The following GPR176 variants were observed in gnomAD, a reference collection of about 807,000 sequenced individuals.
GPR176 encodes the protein G protein-coupled receptor 176.
GPR176 carries 26 observed loss-of-function variants against 35.4 expected under a neutral mutation model. The observed-to-expected ratio is 0.74, with a 90% confidence interval of 0.54 to 1.02. GPR176 has a LOEUF of 1.02. GPR176 is among the 50% of genes least tolerant of loss of function. The pLI is 0.00. For synonymous variants in GPR176, 278 were observed against 271.3 expected (o/e 1.02, Z -0.24); for missense variants, 597 against 665.3 (o/e 0.90, Z 1.13).
At chr15:39,818,372 AT>A (rs774667112) in intron 1 of GPR176, among the ~76,000 whole-genome samples, 120 of 152,396 alleles carry the variant, frequency 7.9e-4, no homozygotes, top group Non-Finnish European at 6.6e-4. Flanking sequence ...TAGTAAGTTC[AT>A]TAAAATTCAT....
intron 1 of GPR176, among the ~76,000 whole-genome samples, chr15:39,814,399 T>C (rs1899763034): frequency 6.6e-6 from 1 of 152,254 alleles, no homozygotes; most frequent in Non-Finnish European, 1.5e-5. Context: ...CCCTCTTTTA[T>C]TTAAAATTTG....
intron 1 of GPR176, among the ~76,000 whole-genome samples, chr15:39,829,873 G>A (rs942409194): frequency 2.0e-5 from 3 of 152,108 alleles, no homozygotes; most frequent in Non-Finnish European, 1.5e-5. Flanking sequence ...ACACAAGGAT[G>A]GGTGATATGT....
At position 39,886,158 on chromosome 15, in the gene GPR176, G is replaced by A. The variant is rs528399024; in HGVS notation, c.172+33697C>T. Among the ~76,000 whole-genome samples, 5 of 152,134 alleles carry A rather than the reference G, an allele frequency of 3.3e-5. No homozygotes were observed. In the East Asian group the frequency reaches 7.7e-4, roughly 24 times the overall value. On this transcript the variant is annotated intron_variant, in intron 1 of 2. Transcript: ENST00000561100. ...TGGGGCAGGAGAATCACTTGAACCC[G>A]GGAGTAGGAGGTTGCGGTGAGCCCA...
intron 1 of GPR176, among the ~76,000 whole-genome samples, chr15:39,895,278 G>T (rs1199443609): frequency 2.6e-5 from 1 of 38,030 alleles, no homozygotes; most frequent in Non-Finnish European, 5.9e-5. Context: ...GAGGGAGACC[G>T]TGGGGAGAGG....
chr15:39,812,700 C>T (rs912554314), intron 1 of GPR176, among the ~76,000 whole-genome samples: 1 of 152,006 alleles, frequency 6.6e-6, no homozygotes, highest in Non-Finnish European at 1.5e-5. Flanking sequence ...ACTAGAGAAC[C>T]CTGACTAATA....
Position 39,807,260 on chromosome 15 carries a change from T to A in GPR176, c.173-2A>T. 1 of 1,486,960 alleles carries A rather than the reference T, an allele frequency of 6.7e-7. No individual in the cohort carries two copies. The highest frequency in any genetic ancestry group is 9.0e-7 in the Non-Finnish European group (1 of 1,114,052). 92.1% of individuals were successfully genotyped at this position (1,486,960 alleles called of 1,614,324 possible). A position where few individuals can be genotyped will look rare whatever the true frequency, so the allele number is the denominator to read the frequency against. ...TTGACCATAACACCATGAAGTTTCC[T>A]GGTCAGATATGAAAGAAAATAAAAT... On this transcript the variant is annotated splice_acceptor_variant, in intron 1 of 2. Transcript: ENST00000561100. LOFTEE classifies it high-confidence loss of function.
intron 1 of GPR176, among the ~76,000 whole-genome samples, chr15:39,892,326 C>A (rs1297166850): frequency 1.3e-5 from 2 of 151,932 alleles, no homozygotes; most frequent in Admixed American, 1.3e-4. Flanking sequence ...CATGGGAAGC[C>A]TACTGTAATT....
At chr15:39,833,692 A>G (rs1292871852) in intron 1 of GPR176, among the ~76,000 whole-genome samples, 2 of 152,194 alleles carry the variant, frequency 1.3e-5, no homozygotes, top group African/African-American at 4.8e-5. Flanking sequence ...ATTCCTAAAA[A>G]ATGAGTCAGT....
At chr15:39,822,088 G>C (rs1900311826) in intron 1 of GPR176, among the ~76,000 whole-genome samples, 1 of 152,282 alleles carries the variant, frequency 6.6e-6, no homozygotes, top group Admixed American at 6.5e-5. Flanking sequence ...AAGGAACTGG[G>C]GCCTCCTGCC....
At chr15:39,846,867 G>A (rs1051550457) in intron 1 of GPR176, among the ~76,000 whole-genome samples, 1 of 151,810 alleles carries the variant, frequency 6.6e-6, no homozygotes, top group Non-Finnish European at 1.5e-5. Context: ...TAATAGAAAT[G>A]GTAAAATTAT....
intron 1 of GPR176, among the ~76,000 whole-genome samples, chr15:39,876,438 C>G (rs1320422729): frequency 6.6e-6 from 1 of 152,060 alleles, no homozygotes; most frequent in Non-Finnish European, 1.5e-5. Flanking sequence ...CACACCTTCT[C>G]TCTCATCTTC....
At chr15:39,882,306 G>A (rs1464824474) in intron 1 of GPR176, among the ~76,000 whole-genome samples, 6 of 152,194 alleles carry the variant, frequency 3.9e-5, no homozygotes, top group African/African-American at 9.6e-5. Context: ...ACATATCAAC[G>A]GCATGCAATG....
chr15:39,903,703 C>T (rs1049690947), intron 1 of GPR176, among the ~76,000 whole-genome samples: 1 of 151,882 alleles, frequency 6.6e-6, no homozygotes, highest in African/African-American at 2.4e-5. Context: ...GTTGAAGAGG[C>T]ATATGGAGAC....
At position 39,919,881 on chromosome 15, in the gene GPR176, A is replaced by C; in HGVS notation, c.146T>G (p.Val49Gly). Residue 49 changes from valine (V) to glycine (G), a missense_variant, in exon 1 of 3, where the codon GTC (valine) becomes GGC (glycine). Physicochemically the swap from Val to Gly is moderately radical, Grantham distance 109 (BLOSUM62 -3). Transcript: ENST00000561100. ...LYRQFTTTVQ[V>G]VIFIGSLLGN... is the part of the protein sequence containing the mutation. ...GAGCAGCGAGCCTATGAAGATGACGACCTGCACGGTGGTGGTGAACTGGCG... is the reference window on the plus strand; with the variant it reads ...GAGCAGCGAGCCTATGAAGATGACGCCCTGCACGGTGGTGGTGAACTGGCG... 1 of 1,491,116 alleles carries C rather than the reference A, an allele frequency of 6.7e-7. No homozygotes were observed. Among genetic ancestry groups the C allele is most frequent in the Non-Finnish European group, 8.9e-7 (1 of 1,122,590 alleles). 92.4% of individuals were successfully genotyped at this position (1,491,116 alleles called of 1,614,324 possible). A position where few individuals can be genotyped will look rare whatever the true frequency, so the allele number is the denominator to read the frequency against.
intron 1 of GPR176, among the ~76,000 whole-genome samples, chr15:39,907,059 C>T (rs974575578): frequency 6.6e-6 from 1 of 152,110 alleles, no homozygotes; most frequent in African/African-American, 2.4e-5. Flanking sequence ...TGGGGAAGAC[C>T]CGTTAGAGGT....
At chr15:39,870,793 G>A (rs993879506) in intron 1 of GPR176, among the ~76,000 whole-genome samples, 3 of 152,112 alleles carry the variant, frequency 2.0e-5, no homozygotes, top group African/African-American at 7.2e-5. Context: ...GCCATGCTGT[G>A]AGAGGGCCCT....
chr15:39,849,837 T>C (rs931096963), intron 1 of GPR176, among the ~76,000 whole-genome samples: 2 of 152,134 alleles, frequency 1.3e-5, no homozygotes, highest in Admixed American at 1.3e-4. Flanking sequence ...AAGGTGTCAA[T>C]AGGTAATTTC....
At chr15:39,818,244 T>C (rs1232598771) in intron 1 of GPR176, among the ~76,000 whole-genome samples, 10 of 152,214 alleles carry the variant, frequency 6.6e-5, no homozygotes, top group Non-Finnish European at 1.2e-4. Context: ...CTGATTGCTA[T>C]TGGCATGAGA....
intron 1 of GPR176, among the ~76,000 whole-genome samples, chr15:39,906,115 C>T (rs75351944): frequency 0.022 from 3,318 of 152,286 alleles, 107 homozygotes; most frequent in African/African-American, 0.067. Flanking sequence ...GCAACAGTGA[C>T]GACCAGCCTT....
Sources: allele counts gnomAD v4.1 joint callset (sites outside exome capture counted in the v4.1 genomes callset), GRCh38; gene constraint gnomAD v4.1.1; transcripts MANE v1.5; gene names NCBI Gene and HGNC (gene_info 2026-07-23, HGNC 2026-07-21).